The following UNC5D variants were observed in gnomAD, a reference collection of about 807,000 sequenced individuals.
UNC5D encodes unc-5 netrin receptor D.
A neutral mutation model predicts 105.4 loss-of-function variants in UNC5D; 39 were observed. The ratio of observed to expected loss-of-function variants is 0.37; its 90% CI spans 0.29 to 0.48. The LOEUF is 0.48. UNC5D is among the 20% of genes least tolerant of loss of function. The pLI, the probability that UNC5D is intolerant of heterozygous loss-of-function variation, is 0.98. For missense variants in UNC5D, 991 were observed against 1,202.4 expected, an observed-to-expected ratio of 0.82 and a Z score of 2.60; for synonymous variants, 452 against 450.4, an observed-to-expected ratio of 1.00 and a Z score of -0.04.
chr8:35,488,498 G>A (rs1291215508), intron 1 of UNC5D, among the ~76,000 whole-genome samples: 1 of 152,190 alleles, frequency 6.6e-6, no homozygotes, highest in Non-Finnish European at 1.5e-5. Flanking sequence ...TTAGCAGTCC[G>A]GGTTGCCTCT....
At position 35,468,348 on chromosome 8, in the gene UNC5D, A is replaced by G. The variant is rs527479105; in HGVS notation, c.104-80944A>G. Among the ~76,000 whole-genome samples, 400 of 152,284 alleles carry G rather than the reference A, an allele frequency of 2.6e-3. 1 individual carries two copies. The highest frequency in any genetic ancestry group is 3.4e-3 in the Admixed American group (52 of 15,278). ...TTTGCCTGCACTCTTTGAGAAAATC[A>G]AAATCATCCTTCACTTTGGGTAAAA... On this transcript the variant is annotated intron_variant, in intron 1 of 16. Transcript: ENST00000404895.
intron 1 of UNC5D, chr8:35,525,527 T>A (rs1813805419): frequency 3.7e-6 from 6 of 1,612,358 alleles, no homozygotes; most frequent in Non-Finnish European, 5.1e-6. Flanking sequence ...TGAGTGAAGC[T>A]AGGGGAGGAG....
intron 4 of UNC5D, among the ~76,000 whole-genome samples, chr8:35,624,998 A>C (rs1014427980): frequency 6.6e-6 from 1 of 152,110 alleles, no homozygotes; most frequent in Non-Finnish European, 1.5e-5. Flanking sequence ...TTGAACATGC[A>C]TATGTGTGTG....
chr8:35,288,122 A>G (rs1806749613), intron 1 of UNC5D, among the ~76,000 whole-genome samples: 1 of 152,150 alleles, frequency 6.6e-6, no homozygotes, highest in South Asian at 2.1e-4. Flanking sequence ...TTGCCAATCA[A>G]ATTGAACCCA....
chr8:35,317,993 T>C lies in UNC5D; in HGVS notation c.103+82106T>C, dbSNP rs139211498. 9.3e-3 allele frequency among the ~76,000 whole-genome samples: 1,422 copies of C among 152,108 alleles called. 9 individuals carry two copies. The highest frequency in any genetic ancestry group is 0.014 in the Non-Finnish European group (969 of 67,980). Reference sequence around the variant, plus strand: ...GACTGTCCTTTCTTCTGATGGATAATTCACTCCCACCCCATGTGTTAATTC... The same window carrying C: ...GACTGTCCTTTCTTCTGATGGATAACTCACTCCCACCCCATGTGTTAATTC... On this transcript the variant is annotated intron_variant, in intron 1 of 16. Coordinates refer to ENST00000404895, the MANE Select transcript of UNC5D (RefSeq NM_080872.4).
At chr8:35,250,436 C>T (rs1334986210) in intron 1 of UNC5D, among the ~76,000 whole-genome samples, 1 of 152,064 alleles carries the variant, frequency 6.6e-6, no homozygotes, top group Non-Finnish European at 1.5e-5. Flanking sequence ...CTGTGTGATG[C>T]TGAGGTTTGA....
At chr8:35,731,691 CAG>C (rs1829207585) in intron 11 of UNC5D, among the ~76,000 whole-genome samples, 2 of 152,180 alleles carry the variant, frequency 1.3e-5, no homozygotes, top group Admixed American at 1.3e-4. Flanking sequence ...CTGACTGTCT[CAG>C]AGTCTTCCTC....
At chr8:35,469,620 G>T (rs1196001139) in intron 1 of UNC5D, among the ~76,000 whole-genome samples, 1 of 152,088 alleles carries the variant, frequency 6.6e-6, no homozygotes, top group African/African-American at 2.4e-5. Context: ...AATACCAACT[G>T]CTCAATTACT....
chr8:35,533,828 C>T (rs1361599631), intron 1 of UNC5D, among the ~76,000 whole-genome samples: 1 of 152,172 alleles, frequency 6.6e-6, no homozygotes, highest in African/African-American at 2.4e-5. Context: ...GTCCATCACC[C>T]CTTTCTTTGA....
chr8:35,285,505 A>G (rs1358631553), intron 1 of UNC5D, among the ~76,000 whole-genome samples: 1 of 152,238 alleles, frequency 6.6e-6, no homozygotes, highest in East Asian at 1.9e-4. Flanking sequence ...GTGGTGATAG[A>G]TGAATCCAAG....
chr8:35,282,236 G>A (rs923691091), intron 1 of UNC5D, among the ~76,000 whole-genome samples: 1 of 152,194 alleles, frequency 6.6e-6, no homozygotes, highest in African/African-American at 2.4e-5. Flanking sequence ...AGGACAGCAT[G>A]CTGTCAGCTT....
intron 1 of UNC5D, among the ~76,000 whole-genome samples, chr8:35,503,797 G>C (rs745874892): frequency 6.6e-6 from 1 of 152,136 alleles, no homozygotes; most frequent in Non-Finnish European, 1.5e-5. Flanking sequence ...TGTATTAAAA[G>C]AGCCTCCCTG....
At chr8:35,763,074 T>C (rs1311613885) in intron 14 of UNC5D, among the ~76,000 whole-genome samples, 1 of 152,210 alleles carries the variant, frequency 6.6e-6, no homozygotes, top group Non-Finnish European at 1.5e-5. Flanking sequence ...GTTTTTTGAA[T>C]AAATGAAAGT....
At chr8:35,528,894 T>G (rs1814103478) in intron 1 of UNC5D, among the ~76,000 whole-genome samples, 1 of 140,900 alleles carries the variant, frequency 7.1e-6, no homozygotes, top group Non-Finnish European at 1.5e-5. Context: ...TTGATGGGGT[T>G]GTTTGTTTTT....
At chr8:35,588,435 G>A (rs1398545631) in intron 3 of UNC5D, among the ~76,000 whole-genome samples, 2 of 152,184 alleles carry the variant, frequency 1.3e-5, no homozygotes, top group African/African-American at 4.8e-5. Context: ...TTAGGCCTGT[G>A]AGATTCTCTG....
chr8:35,522,700 T>C (rs961998045), intron 1 of UNC5D, among the ~76,000 whole-genome samples: 1 of 152,228 alleles, frequency 6.6e-6, no homozygotes, highest in African/African-American at 2.4e-5. Flanking sequence ...TATAAGTATC[T>C]AAGAAGATAC....
intron 1 of UNC5D, among the ~76,000 whole-genome samples, chr8:35,400,888 C>T (rs953725290): frequency 1.3e-5 from 2 of 152,078 alleles, no homozygotes; most frequent in South Asian, 2.1e-4. Flanking sequence ...GTTTTGTGCA[C>T]GTGTACAGTG....
At position 35,722,357 on chromosome 8, in the gene UNC5D, G is replaced by A. The variant is rs1472393198; in HGVS notation, c.1265G>A (p.Gly422Asp). 5 of 1,614,022 alleles carry A rather than the reference G, an allele frequency of 3.1e-6. No individual in the cohort carries two copies. Among genetic ancestry groups the A allele is most frequent in the South Asian group, 2.2e-5 (2 of 91,086 alleles). ...GTCATTGACTCTTCTGCATTGACAG[G>A]TGGCTTCCAGACCTTCAACTTCAAA... is the stretch of plus-strand genomic sequence containing the variant. ...VDVIDSSALT[G>D]GFQTFNFKTV... Residue 422 changes from glycine to aspartate, a missense_variant, in exon 9 of 17, where the codon GGT becomes GAT. Coordinates refer to ENST00000404895, the MANE Select transcript of UNC5D (RefSeq NM_080872.4).
chr8:35,567,176 C>A (rs915332090), intron 2 of UNC5D, among the ~76,000 whole-genome samples: 1 of 152,094 alleles, frequency 6.6e-6, no homozygotes, highest in Non-Finnish European at 1.5e-5. Flanking sequence ...CCCCTTTCTT[C>A]ACCTCCTCAT....
Sources: gnomAD v4.1 joint callset for allele counts (sites outside exome capture counted in the v4.1 genomes callset) on GRCh38, gnomAD v4.1.1 for gene constraint, MANE v1.5 for transcripts, NCBI Gene and HGNC (gene_info 2026-07-23, HGNC 2026-07-21) for gene names.